Variants in CDH18 observed in about 807,000 individuals in gnomAD.
The protein encoded by CDH18 is cadherin-18.
In CDH18, 31 loss-of-function variants were observed where a neutral mutation model predicts 67.9. That is an observed-to-expected ratio of 0.46 (90% CI 0.34 to 0.62). CDH18 has a LOEUF of 0.62. Ranked by LOEUF, CDH18 falls within the 20% of genes least tolerant of loss-of-function variation. The pLI is 0.01. For missense variants in CDH18, 890 were observed against 975.5 expected (o/e 0.91, Z 1.17); for synonymous variants, 362 against 347.2 (o/e 1.04, Z -0.48).
chr5:20,281,114 G>A (rs535226632), intron 1 of CDH18, among the ~76,000 whole-genome samples: 2 of 152,166 alleles, frequency 1.3e-5, no homozygotes, highest in African/African-American at 4.8e-5. Context: ...TTAGCCCTTT[G>A]TCAGATGAGT....
chr5:19,922,373 A>C (rs1309364582), intron 2 of CDH18, among the ~76,000 whole-genome samples: 2 of 152,190 alleles, frequency 1.3e-5, no homozygotes, highest in Non-Finnish European at 2.9e-5. Flanking sequence ...GCTTTTGAAA[A>C]CATGATCAAA....
chr5:20,039,756 C>T (rs1369166644), intron 2 of CDH18, among the ~76,000 whole-genome samples: 2 of 152,040 alleles, frequency 1.3e-5, no homozygotes, highest in South Asian at 2.1e-4. Flanking sequence ...AGAAGAAAAC[C>T]TAGGCAATAC....
chr5:19,644,378 G>A lies in CDH18; in HGVS notation c.644-31777C>T, dbSNP rs1376007463. On this transcript the variant is annotated intron_variant, in intron 5 of 12. Transcript: ENST00000382275. ...TCCCATCATGGTTTGATTTCACCCC[G>A]CCAAAAAAAAATGAGTAAGGGATTA... Among the ~76,000 whole-genome samples, 4 of 150,250 alleles carry A rather than the reference G, an allele frequency of 2.7e-5. No individual in the cohort carries two copies. The East Asian group carries it at 5.8e-4, about 22-fold the overall frequency.
intron 1 of CDH18, among the ~76,000 whole-genome samples, chr5:20,400,354 T>A (rs1312520697): frequency 6.6e-6 from 1 of 151,970 alleles, no homozygotes; most frequent in African/African-American, 2.4e-5. Flanking sequence ...GTCAGGCACC[T>A]GTAATACCCA....
chr5:20,046,602 T>C (rs889907206), intron 2 of CDH18, among the ~76,000 whole-genome samples: 1 of 149,140 alleles, frequency 6.7e-6, no homozygotes, highest in Non-Finnish European at 1.5e-5. Flanking sequence ...CCTATATGTA[T>C]GTAAATATTT....
At chr5:19,721,864 T>G (rs1185104560) in intron 4 of CDH18, among the ~76,000 whole-genome samples, 1 of 152,206 alleles carries the variant, frequency 6.6e-6, no homozygotes, top group Admixed American at 6.5e-5. Flanking sequence ...GTTTCATGAC[T>G]GTTCTGAAAA....
At chr5:19,827,479 C>T (rs932103480) in intron 3 of CDH18, among the ~76,000 whole-genome samples, 11 of 151,998 alleles carry the variant, frequency 7.2e-5, no homozygotes, top group African/African-American at 2.7e-4. Context: ...AAATCACCCA[C>T]ACAATAAAAA....
chr5:20,329,315 T>C (rs7733357), intron 1 of CDH18, among the ~76,000 whole-genome samples: 123,952 of 152,170 alleles, frequency 0.81, 50,787 homozygotes, highest in African/African-American at 0.91. Context: ...TAGGTAGTTC[T>C]AATATTTGCA....
At chr5:20,063,611 C>T (rs1314278608) in intron 2 of CDH18, among the ~76,000 whole-genome samples, 1 of 152,068 alleles carries the variant, frequency 6.6e-6, no homozygotes, top group Non-Finnish European at 1.5e-5. Context: ...TTAATATCCC[C>T]CTTAGCTGAA....
chr5:20,447,448 A>G (rs1038091305), intron 1 of CDH18, among the ~76,000 whole-genome samples: 1 of 152,032 alleles, frequency 6.6e-6, no homozygotes, highest in Non-Finnish European at 1.5e-5. Flanking sequence ...CCATGTGAAG[A>G]CACAGCATTC....
intron 3 of CDH18, among the ~76,000 whole-genome samples, chr5:19,832,587 C>T (rs1310472516): frequency 6.6e-6 from 1 of 152,068 alleles, no homozygotes; most frequent in South Asian, 2.1e-4. Context: ...GCGTTTTTGT[C>T]ATGAAGTCTT....
chr5:20,208,222 G>T (rs1156387162), intron 2 of CDH18, among the ~76,000 whole-genome samples: 1 of 152,108 alleles, frequency 6.6e-6, no homozygotes, highest in Non-Finnish European at 1.5e-5. Flanking sequence ...AAGAGAGAAA[G>T]TCTGTGAATG....
chr5:20,472,245 T>A (rs1373711634), intron 1 of CDH18, among the ~76,000 whole-genome samples: 1 of 152,246 alleles, frequency 6.6e-6, no homozygotes, highest in Admixed American at 6.5e-5. Context: ...TATGAAGTTT[T>A]CTAATAATAG....
chr5:20,382,734 C>T (rs1231257529), intron 1 of CDH18, among the ~76,000 whole-genome samples: 1 of 152,058 alleles, frequency 6.6e-6, no homozygotes, highest in Admixed American at 6.6e-5. Flanking sequence ...ATATAAACAG[C>T]CACTTCAAAC....
chr5:20,499,860 C>T (rs919858042), intron 1 of CDH18, among the ~76,000 whole-genome samples: 15 of 152,066 alleles, frequency 9.9e-5, no homozygotes, highest in African/African-American at 2.9e-4. Context: ...TGACAAATTG[C>T]CATTCCAAGT....
intron 2 of CDH18, among the ~76,000 whole-genome samples, chr5:20,055,274 G>A (rs903962113): frequency 6.6e-6 from 1 of 152,168 alleles, no homozygotes; most frequent in Non-Finnish European, 1.5e-5. Context: ...ATAAATTCAA[G>A]CAAAAATATT....
intron 7 of CDH18, among the ~76,000 whole-genome samples, chr5:19,578,063 CAAGGA>C (rs1742616599): frequency 6.6e-6 from 1 of 152,072 alleles, no homozygotes; most frequent in Non-Finnish European, 1.5e-5. Context: ...TAGAGTTTAC[CAAGGA>C]AAGAGGAAGT....
At chr5:19,895,358 G>A (rs1049899394) in intron 2 of CDH18, among the ~76,000 whole-genome samples, 1 of 152,110 alleles carries the variant, frequency 6.6e-6, no homozygotes, top group African/African-American at 2.4e-5. Flanking sequence ...TTTTATAAAT[G>A]AGTGGTTTTT....
chr5:20,263,387 C>T (rs964498858), intron 1 of CDH18, among the ~76,000 whole-genome samples: 1 of 152,046 alleles, frequency 6.6e-6, no homozygotes, highest in Non-Finnish European at 1.5e-5. Context: ...AGAAACTACT[C>T]GTTAGCATTT....
Sources: gnomAD v4.1 joint callset for allele counts (sites outside exome capture counted in the v4.1 genomes callset) on GRCh38, gnomAD v4.1.1 for gene constraint, MANE v1.5 for transcripts, NCBI Gene and HGNC (gene_info 2026-07-23, HGNC 2026-07-21) for gene names.